Variants in SERPINB3 observed in about 807,000 individuals in gnomAD.
The protein encoded by SERPINB3 is serpin B3.
Under a neutral mutation model 33.0 loss-of-function variants are expected in SERPINB3, and 33 were observed. The ratio of observed to expected loss-of-function variants is 1.00; its 90% CI spans 0.76 to 1.34. SERPINB3 has a LOEUF of 1.34. Ranked by LOEUF, SERPINB3 falls within the 40% of genes most tolerant of loss-of-function variation. SERPINB3 has a pLI of 0.00. For missense variants in SERPINB3, 518 were observed against 461.5 expected, an observed-to-expected ratio of 1.12 and a Z score of -1.12; for synonymous variants, 200 against 170.9, an observed-to-expected ratio of 1.17 and a Z score of -1.33.
Position 63,661,322 on chromosome 18 carries a change from T to G in SERPINB3, c.-26-80A>C, listed in dbSNP as rs149471122. 1.6e-3 allele frequency: 2,270 copies of G among 1,431,860 alleles called. 14 individuals are homozygous for G. The African/African-American group carries it at 0.016, about 10-fold the overall frequency. The allele number at this position is 1,431,860 out of a possible 1,614,324, so 88.7% of individuals were successfully genotyped here. A position where few individuals can be genotyped will look rare whatever the true frequency, so the allele number is the denominator to read the frequency against. ...TGTAGTACAATTTTCTTAAAGAAATTATATATCTGTGTTGTGAGATTTTGA... is the reference window on the plus strand; with the variant it reads ...TGTAGTACAATTTTCTTAAAGAAATGATATATCTGTGTTGTGAGATTTTGA... On this transcript the variant is annotated intron_variant, in intron 1 of 7. Coordinates refer to ENST00000283752, the MANE Select transcript of SERPINB3 (RefSeq NM_006919.3).
In SERPINB3 at chr18:63,657,305, CT is replaced by C. The variant is rs1209847938; in HGVS notation, c.576del (p.Glu193LysfsTer20). The C allele has an allele frequency of 1.2e-6, 2 of 1,604,410 alleles. No individual in the cohort carries two copies. Among genetic ancestry groups the C allele is most frequent in the Non-Finnish European group, 1.7e-6 (2 of 1,173,272 alleles). On this transcript the variant is annotated frameshift_variant, in exon 6 of 8. Transcript: ENST00000283752. LOFTEE classifies it high-confidence loss of function. ...FKGQWEKKFN[K>X]EDTKEEKFWP... The stretch of plus-strand genomic sequence containing the variant: ...CAAAATTTTTCCTCTTTAGTATCTT[CT>C]TTATTAAATTTCTTCTCCCACTGCC...
intron 7 of SERPINB3, 141 bp downstream of exon 7, chr18:63,656,690 T>C (rs1913505017): frequency 2.1e-6 from 2 of 974,162 alleles, no homozygotes; most frequent in African/African-American, 3.3e-5. Flanking sequence ...CTTTGTAATA[T>C]GAAGGTGAGT....
rs2144498496 is a variant in SERPINB3, at chr18:63,661,190, G to A, written c.27C>T (p.Thr9=). 6.2e-7 allele frequency: 1 copy of A among 1,613,442 alleles called. No homozygotes were observed. Among genetic ancestry groups the A allele is most frequent in the Non-Finnish European group, 8.5e-7 (1 of 1,179,558 alleles). The part of the protein sequence containing the change: MNSLSEAN[T]KFMFDLFQQF... The stretch of plus-strand genomic sequence containing the variant: ...GTTGGAACAGGTCGAACATGAACTT[G>A]GTGTTGGCTTCACTGAGTGAATTCA... The change falls in exon 2 of 8, where the codon ACC becomes ACT. Residue 9 remains threonine, a synonymous_variant. Coordinates refer to ENST00000283752, the MANE Select transcript of SERPINB3 (RefSeq NM_006919.3).
In SERPINB3 at chr18:63,656,925, T is replaced by C; in HGVS notation, c.674A>G (p.Glu225Gly). ...QYTSFHFASL[E>G]DVQAKVLEIP... ...TTCCAGGACCTTGGCCTGTACATCC[T>C]CCAGCGAGGCAAAATGAAAAGATGT... The change falls in exon 7 of 8, where the codon GAG becomes GGG. Residue 225 changes from glutamate (E) to glycine (G), a missense_variant. Transcript: ENST00000283752. 3 of 1,613,426 alleles carry C rather than the reference T, an allele frequency of 1.9e-6. No homozygotes were observed. The highest frequency in any genetic ancestry group is 2.2e-5 in the South Asian group (2 of 91,020).
chr18:63,659,585 C>G, intron 3 of SERPINB3, 58 bp from the exon 4 acceptor site: 5 of 1,609,720 alleles, frequency 3.1e-6, no homozygotes, highest in Non-Finnish European at 1.7e-6. Context: ...ATACTAAACC[C>G]ATGCTAAGTC....
chr18:63,657,051 G>C (rs537482269), intron 6 of SERPINB3, 65 bp from the exon 7 acceptor site: 5 of 1,391,996 alleles, frequency 3.6e-6, no homozygotes, highest in South Asian at 2.9e-5. Context: ...TAATATTATT[G>C]AGATATCAAC....
intron 5 of SERPINB3, 28 bp downstream of exon 5, chr18:63,658,485 G>T: frequency 1.3e-6 from 2 of 1,577,124 alleles, no homozygotes; most frequent in Non-Finnish European, 1.7e-6. Context: ...TTTCTCAAAG[G>T]TGTTTCTATA....
Position 63,655,680 on chromosome 18 carries a change from A to G in SERPINB3, c.1150T>C (p.Tyr384His), listed in dbSNP as rs1913472334. The change falls in exon 8 of 8, where the codon TAT (tyrosine) becomes CAT (histidine). Residue 384 changes from tyrosine to histidine, a missense_variant. Coordinates refer to ENST00000283752, the MANE Select transcript of SERPINB3 (RefSeq NM_006919.3). ...ATCTACGGGGATGAGAATCTGCCATAGAAGAGGATGCTGTTGGTCTTATTT... is the reference window on the plus strand; with the variant it reads ...ATCTACGGGGATGAGAATCTGCCATGGAAGAGGATGCTGTTGGTCTTATTT... Reference protein sequence around the residue: ...RQNKTNSILFYGRFSSP With the variant: ...RQNKTNSILFHGRFSSP 1.9e-6 allele frequency: 3 copies of G among 1,612,090 alleles called. No individual in the cohort carries two copies. The highest frequency in any genetic ancestry group is 2.2e-5 in the East Asian group (1 of 44,876).
At chr18:63,657,663 G>A (rs778577114) in intron 5 of SERPINB3, among the ~76,000 whole-genome samples, 27 of 151,896 alleles carry the variant, frequency 1.8e-4, no homozygotes, top group Non-Finnish European at 3.1e-4. Flanking sequence ...AGGAGTTCAC[G>A]TTCTCTGTGT....
rs12953909 is a variant in SERPINB3, at chr18:63,655,746, C to T, written c.1084G>A (p.Glu362Lys). ...FGSSPTSTNE[E>K]FHCNHPFLFF... ...AGGAAAGGGTGATTACAATGGAACT[C>T]TTCATTAGTTGAAGTAGGTGATGAT... Residue 362 changes from glutamate (E) to lysine (K), a missense_variant, in exon 8 of 8, where the codon GAG (glutamate) becomes AAG (lysine). Transcript: ENST00000283752. The T allele has an allele frequency of 6.9e-3, 11,198 of 1,613,880 alleles. 54 individuals are homozygous for T. Among genetic ancestry groups the T allele is most frequent in the Non-Finnish European group, 8.2e-3 (9,704 of 1,179,944 alleles).
At chr18:63,656,742 T>C in intron 7 of SERPINB3, 89 bp downstream of exon 7, 1 of 1,430,278 alleles carries the variant, frequency 7.0e-7, no homozygotes, top group Non-Finnish European at 9.3e-7. Context: ...TTGAGGCAAC[T>C]CGGTCACCAG....
chr18:63,655,940 T>C lies in SERPINB3; in HGVS notation c.890A>G (p.Asp297Gly), dbSNP rs1259208046. ...FKVEESYDLK[D>G]TLRTMGMVDI... is the part of the protein sequence containing the mutation. Reference sequence around the variant, plus strand: ...CACCATTCCCATGGTTCTCAACGTGTCCTTGAGGTCATAGCTCTCTTCCAC... The same window carrying C: ...CACCATTCCCATGGTTCTCAACGTGCCCTTGAGGTCATAGCTCTCTTCCAC... The change falls in exon 8 of 8, where the codon GAC becomes GGC. Residue 297 changes from aspartate to glycine, a missense_variant. Asp to Gly is a moderately conservative substitution (Grantham distance 94). Coordinates refer to ENST00000283752, the MANE Select transcript of SERPINB3 (RefSeq NM_006919.3). 1.9e-6 allele frequency: 3 copies of C among 1,613,924 alleles called. No individual in the cohort carries two copies. Among genetic ancestry groups the C allele is most frequent in the Admixed American group, 1.7e-5 (1 of 59,960 alleles).
chr18:63,658,758 A>T (rs1305588123), intron 4 of SERPINB3, 128 bp from the exon 5 acceptor site: 2 of 718,456 alleles, frequency 2.8e-6, no homozygotes, highest in Admixed American at 2.8e-5. Context: ...TCTCCTGTCC[A>T]TGCATATTTT....
At chr18:63,658,665 A>T (rs1008048028) in intron 4 of SERPINB3, 35 bp from the exon 5 acceptor site, 11 of 1,524,394 alleles carry the variant, frequency 7.2e-6, no homozygotes, top group Non-Finnish European at 1.0e-5. Context: ...AGGAAGTAAG[A>T]GTAATTTATG....
In SERPINB3 at chr18:63,655,913, T is replaced by C. The variant is rs1568169983; in HGVS notation, c.917A>G (p.Asp306Gly). 2 of 1,614,010 alleles carry C rather than the reference T, an allele frequency of 1.2e-6. No homozygotes were observed. The highest frequency in any genetic ancestry group is 4.5e-5 in the East Asian group (2 of 44,876). Residue 306 changes from aspartate (D) to glycine (G), a missense_variant, in exon 8 of 8, where the codon GAT (aspartate) becomes GGT (glycine). Coordinates refer to ENST00000283752, the MANE Select transcript of SERPINB3 (RefSeq NM_006919.3). ...KDTLRTMGMVDIFNGDADLSG... is the reference protein window; with the variant it reads ...KDTLRTMGMVGIFNGDADLSG... ...GAGGTCTGCATCCCCATTGAAGATA[T>C]CCACCATTCCCATGGTTCTCAACGT...
In SERPINB3 at chr18:63,658,551, C is replaced by A. The variant is rs143123968; in HGVS notation, c.431G>T (p.Arg144Leu). ...TTCCACCCAGGAGTTAATCTTCTTT[C>A]GACTTTCTTCTGGAGCATTTGCAAA... Reference protein sequence around the residue: ...VDFANAPEESRKKINSWVESQ... With the variant: ...VDFANAPEESLKKINSWVESQ... Residue 144 changes from arginine to leucine, a missense_variant, in exon 5 of 8, where the codon CGA becomes CTA. By Grantham distance (102) the Arg-to-Leu change is moderately radical. Coordinates refer to ENST00000283752, the MANE Select transcript of SERPINB3 (RefSeq NM_006919.3). 7 of 1,612,952 alleles carry A rather than the reference C, an allele frequency of 4.3e-6. No individual in the cohort carries two copies. In the African/African-American group the frequency reaches 5.3e-5, roughly 12 times the overall value.
At position 63,656,881 on chromosome 18, in the gene SERPINB3, C is replaced by T. The variant is rs61733410; in HGVS notation, c.718G>A (p.Asp240Asn). The part of the protein sequence containing the change: ...KVLEIPYKGK[D>N]LSMIVLLPNE... ...GGCAGCAACACAATCATGCTTAGAT[C>T]TTTGCCTTTGTATGGTATTTCCAGG... Residue 240 changes from aspartate to asparagine, a missense_variant, in exon 7 of 8, where the codon GAT (aspartate) becomes AAT (asparagine). Transcript: ENST00000283752. The T allele has an allele frequency of 5.4e-3, 8,792 of 1,613,498 alleles. 392 individuals are homozygous for T. The African/African-American group carries it at 0.1, about 19-fold the overall frequency.
rs200728827 is a variant in SERPINB3, at chr18:63,658,560, T to A, written c.422A>T (p.Glu141Val). 6.2e-7 allele frequency: 1 copy of A among 1,613,278 alleles called. No homozygotes were observed. Among genetic ancestry groups the A allele is most frequent in the East Asian group, 2.2e-5 (1 of 44,836 alleles). The change falls in exon 5 of 8, where the codon GAA becomes GTA. Residue 141 changes from glutamate to valine, a missense_variant. Coordinates refer to ENST00000283752, the MANE Select transcript of SERPINB3 (RefSeq NM_006919.3). ...GGAGTTAATCTTCTTTCGACTTTCT[T>A]CTGGAGCATTTGCAAAATCAACAGA... ...VESVDFANAPEESRKKINSWV... is the reference protein window; with the variant it reads ...VESVDFANAPVESRKKINSWV...
At chr18:63,659,671 A>C in intron 3 of SERPINB3, 144 bp from the exon 4 acceptor site, 1 of 1,101,638 alleles carries the variant, frequency 9.1e-7, no homozygotes, top group South Asian at 1.5e-5. Context: ...GGTGTATTTC[A>C]CCTCAAATAC....
Sources: gnomAD v4.1 joint callset for allele counts (sites outside exome capture counted in the v4.1 genomes callset) on GRCh38, gnomAD v4.1.1 for gene constraint, MANE v1.5 for transcripts, NCBI Gene and HGNC (gene_info 2026-07-23, HGNC 2026-07-21) for gene names.